ENOX2: variants seen among roughly 807,000 people sequenced by gnomAD.
ENOX2 encodes APK1 antigen.
A neutral mutation model predicts 45.0 loss-of-function variants in ENOX2; 36 were observed. That is an observed-to-expected ratio of 0.80 (90% CI 0.61 to 1.06). The LOEUF is 1.06. ENOX2 is among the 50% of genes least tolerant of loss of function. ENOX2 has a pLI of 0.00. For synonymous variants in ENOX2, 174 were observed against 152.3 expected (o/e 1.14, Z -1.05); for missense variants, 423 against 462.5 (o/e 0.91, Z 0.78).
At chrX:130,759,868 T>C (rs980252348) in intron 3 of ENOX2, among the ~76,000 whole-genome samples, 1 of 110,998 alleles carries the variant, frequency 9.0e-6, no homozygotes, top group East Asian at 2.8e-4. Context: ...TTGATAGAGA[T>C]TGCATTGAAT....
intron 2 of ENOX2, among the ~76,000 whole-genome samples, chrX:130,893,967 T>C (rs2079020971): frequency 8.9e-6 from 1 of 112,229 alleles, no homozygotes; most frequent in Non-Finnish European, 1.9e-5. Flanking sequence ...AACTGATTTC[T>C]TTCCTTCATG....
intron 6 of ENOX2, among the ~76,000 whole-genome samples, chrX:130,672,532 G>A (rs2037016897): frequency 8.9e-6 from 1 of 112,674 alleles, no homozygotes; most frequent in African/African-American, 3.2e-5. Context: ...CACCCCCACA[G>A]TTGCCTCCCA....
intron 9 of ENOX2, among the ~76,000 whole-genome samples, chrX:130,662,165 C>T (rs1452793525): frequency 3.6e-5 from 4 of 111,896 alleles, no homozygotes; most frequent in Non-Finnish European, 5.6e-5. Flanking sequence ...CTCCTAATAC[C>T]GTTTTCAGTT....
At chrX:130,664,951 G>A (rs891081114) in intron 9 of ENOX2, among the ~76,000 whole-genome samples, 1 of 112,337 alleles carries the variant, frequency 8.9e-6, no homozygotes, top group Non-Finnish European at 1.9e-5. Flanking sequence ...TTGGGACTTG[G>A]TAAGGAAGTT....
chrX:130,897,502 GTATT>G (rs1167770654), intron 2 of ENOX2, among the ~76,000 whole-genome samples: 14 of 112,288 alleles, frequency 1.2e-4, no homozygotes, highest in Non-Finnish European at 2.3e-4. Context: ...TCGCTTTGAT[GTATT>G]TAGTTTTCCT....
intron 2 of ENOX2, among the ~76,000 whole-genome samples, chrX:130,815,235 A>G (rs762071885): frequency 8.9e-6 from 1 of 112,147 alleles, no homozygotes; most frequent in Non-Finnish European, 1.9e-5. Context: ...CTTCCAAGAA[A>G]TATGGGACTA....
intron 3 of ENOX2, among the ~76,000 whole-genome samples, chrX:130,782,345 C>T (rs1351850174): frequency 9.0e-6 from 1 of 111,474 alleles, no homozygotes. Context: ...TACTTTACAG[C>T]TGAAGAAAGT....
chrX:130,728,152 C>G (rs930360957), intron 3 of ENOX2, among the ~76,000 whole-genome samples: 3 of 111,248 alleles, frequency 2.7e-5, no homozygotes, highest in African/African-American at 9.8e-5. Context: ...TTCAGGCTTT[C>G]AGCTTCCCCA....
intron 2 of ENOX2, among the ~76,000 whole-genome samples, chrX:130,855,246 A>G (rs1341850894): frequency 8.9e-6 from 1 of 112,020 alleles, no homozygotes; most frequent in African/African-American, 3.2e-5. Flanking sequence ...ATATATTAGC[A>G]ATGAATATGT....
intron 2 of ENOX2, among the ~76,000 whole-genome samples, chrX:130,883,828 C>T (rs1485238420): frequency 9.0e-6 from 1 of 111,682 alleles, no homozygotes; most frequent in Non-Finnish European, 1.9e-5. Context: ...TACAAATCTC[C>T]CTCTTGAATT....
chrX:130,856,622 G>A (rs922492973), intron 2 of ENOX2, among the ~76,000 whole-genome samples: 1 of 110,589 alleles, frequency 9.0e-6, no homozygotes, highest in Admixed American at 9.6e-5. Context: ...TGGTTCCAAC[G>A]TTGAATATAT....
intron 1 of ENOX2, among the ~76,000 whole-genome samples, chrX:130,902,069 G>C (rs1453410271): frequency 9.0e-6 from 1 of 111,397 alleles, no homozygotes; most frequent in Non-Finnish European, 1.9e-5. Context: ...CTGAAAGCCG[G>C]ATGAGGGCTT....
chrX:130,814,960 A>C (rs2077455335), intron 2 of ENOX2, among the ~76,000 whole-genome samples: 1 of 111,612 alleles, frequency 9.0e-6, no homozygotes, highest in East Asian at 2.8e-4. Context: ...GAGCTAAAGG[A>C]GCATGTTCTA....
chrX:130,815,003 A>G (rs1299636334), intron 2 of ENOX2, among the ~76,000 whole-genome samples: 1 of 111,577 alleles, frequency 9.0e-6, no homozygotes, highest in Non-Finnish European at 1.9e-5. Flanking sequence ...ACCTTGAAAA[A>G]AAGGTTTGAG....
At chrX:130,695,469 C>T (rs1224772984) in intron 4 of ENOX2, among the ~76,000 whole-genome samples, 1 of 110,741 alleles carries the variant, frequency 9.0e-6, no homozygotes, top group Non-Finnish European at 1.9e-5. Context: ...GCTTTGCCTG[C>T]ACTTAACGAC....
chrX:130,689,244 T>C (rs1483258298), intron 4 of ENOX2, among the ~76,000 whole-genome samples: 4 of 112,012 alleles, frequency 3.6e-5, no homozygotes, highest in African/African-American at 1.3e-4. Context: ...AGTCTCTGCA[T>C]CTCATTGTGG....
At chrX:130,638,066 CCTT>C (rs2035977876) in intron 10 of ENOX2, among the ~76,000 whole-genome samples, 1 of 105,550 alleles carries the variant, frequency 9.5e-6, no homozygotes, top group South Asian at 4.1e-4. Context: ...TTCCTTCCTT[CCTT>C]TTTTTTTTTT....
intron 2 of ENOX2, among the ~76,000 whole-genome samples, chrX:130,826,983 G>T (rs1235935925): frequency 9.0e-6 from 1 of 111,581 alleles, no homozygotes; most frequent in African/African-American, 3.3e-5. Flanking sequence ...CTTGTTAAAA[G>T]CATCTAAATT....
intron 2 of ENOX2, among the ~76,000 whole-genome samples, chrX:130,833,011 TCACACACACACACACACACACACA>T (rs10568834): frequency 1.2e-5 from 1 of 82,995 alleles, no homozygotes; most frequent in African/African-American, 4.3e-5. Context: ...TCATGTATAA[TCACACACACACACACACACACACA>T]CACACACACA....
Sources: allele counts gnomAD v4.1 joint callset (sites outside exome capture counted in the v4.1 genomes callset), GRCh38; gene constraint gnomAD v4.1.1; transcripts MANE v1.5; gene names NCBI Gene and HGNC (gene_info 2026-07-23, HGNC 2026-07-21).